The following ZC3H12A variants were observed in gnomAD, a reference collection of about 807,000 sequenced individuals.
ZC3H12A encodes zinc finger CCCH-type containing 12A.
In ZC3H12A, 9 loss-of-function variants were observed where a neutral mutation model predicts 29.9. The ratio of observed to expected loss-of-function variants is 0.30; its 90% CI spans 0.18 to 0.53. ZC3H12A has a LOEUF of 0.53. Ranked by LOEUF, ZC3H12A falls within the 20% of genes least tolerant of loss-of-function variation. ZC3H12A has a pLI of 0.96. For synonymous variants in ZC3H12A, 323 were observed against 338.1 expected, an observed-to-expected ratio of 0.96 and a Z score of 0.49; for missense variants, 617 against 799.0, an observed-to-expected ratio of 0.77 and a Z score of 2.75.
chr1:37,482,388 C>A, intron 4 of ZC3H12A, 46 bp from the exon 5 acceptor site: 1 of 1,520,224 alleles, frequency 6.6e-7, no homozygotes, highest in Non-Finnish European at 9.0e-7. Flanking sequence ...AATTAGAAGT[C>A]CCTGCATGGC....
rs1024153317 is a variant in ZC3H12A, at chr1:37,478,854, A to G, written c.444-1436A>G. ...TCAGCAAATGGGAACTTTTATTATA[A>G]GCAGGCTGGCAGATGTGGCAGAGGG... On this transcript the variant is annotated intron_variant, in intron 2 of 5. Coordinates refer to ENST00000373087, the MANE Select transcript of ZC3H12A (RefSeq NM_025079.3). The surrounding 1 kb of genome is among the most constrained non-coding windows in gnomAD (Gnocchi z 5.2). 4 of 985,254 alleles carry G rather than the reference A, an allele frequency of 4.1e-6. No homozygotes were observed. The highest frequency in any genetic ancestry group is 4.8e-6 in the Non-Finnish European group (4 of 829,910). 61.0% of individuals were successfully genotyped at this position (985,254 alleles called of 1,614,324 possible).
At position 37,474,619 on chromosome 1, in the gene ZC3H12A, C is replaced by G. The variant is rs1641539869; in HGVS notation, c.-49C>G. On this transcript the variant is annotated 5_prime_UTR_variant, in exon 1 of 6. Transcript: ENST00000373087. ...TGGAGACGCCGCCGGCCGCCGCTGG[C>G]GCATGGCGGGGTGAGGCGCGGCGGG... 6.6e-6 allele frequency: 1 copy of G among 152,066 alleles called. No individual in the cohort carries two copies. The highest frequency in any genetic ancestry group is 1.5e-5 in the Non-Finnish European group (1 of 68,012). The allele number at this position is 152,066 out of a possible 1,614,324, so 9.4% of individuals were successfully genotyped here.
rs147321337 is a variant in ZC3H12A at position 37,475,501 on chromosome 1, G to T, written c.5G>T (p.Ser2Ile). 3 of 1,603,234 alleles carry T rather than the reference G, an allele frequency of 1.9e-6. No homozygotes were observed. The highest frequency in any genetic ancestry group is 2.6e-6 in the Non-Finnish European group (3 of 1,174,050). The change falls in exon 2 of 6, where the codon AGT becomes ATT. Residue 2 changes from serine to isoleucine, a missense_variant. Ser to Ile is a moderately radical substitution (Grantham distance 142). Transcript: ENST00000373087. This position sits in a 1 kb window ranked among gnomAD's most constrained non-coding sequence, Gnocchi z 5.2. Reference protein sequence around the residue: MSGPCGEKPVLE... With the variant: MIGPCGEKPVLE... The stretch of plus-strand genomic sequence containing the variant: ...GGCCTTCCAGGAGTCTGAGCTATGA[G>T]TGGCCCCTGTGGAGAGAAGCCTGTC...
chr1:37,482,844 C>G lies in ZC3H12A; in HGVS notation c.1033C>G (p.Pro345Ala), dbSNP rs755514163. The G allele has an allele frequency of 4.3e-6, 7 of 1,613,860 alleles. No individual in the cohort carries two copies. The highest frequency in any genetic ancestry group is 5.1e-6 in the Non-Finnish European group (6 of 1,180,036). Residue 345 changes from proline to alanine, a missense_variant, in exon 6 of 6, where the codon CCC becomes GCC. Pro to Ala is a conservative substitution (Grantham distance 27). This residue lies in a region of ZC3H12A where 115 missense variants were observed against 112.5 expected (regional missense o/e 1.02). Transcript: ENST00000373087. ...GCTCCGTGCCAATGCTCTCCTCTCACCCCCCAGAGCCCCAAGCAAGGACAA... is the reference window on the plus strand; with the variant it reads ...GCTCCGTGCCAATGCTCTCCTCTCAGCCCCCAGAGCCCCAAGCAAGGACAA... ...DELRANALLS[P>A]PRAPSKDKNG...
intron 2 of ZC3H12A, chr1:37,480,054 G>T (rs375421982): frequency 7.9e-7 from 1 of 1,262,030 alleles, no homozygotes; most frequent in South Asian, 2.7e-5. Context: ...TCCTGGAGCT[G>T]TGGGAACTGG....
Position 37,476,757 on chromosome 1 carries a change from C to T in ZC3H12A, c.443+818C>T, listed in dbSNP as rs970095095. 6.6e-6 allele frequency among the ~76,000 whole-genome samples: 1 copy of T among 152,358 alleles called. No individual in the cohort carries two copies. Among genetic ancestry groups the T allele is most frequent in the Admixed American group, 6.5e-5 (1 of 15,306 alleles). On this transcript the variant is annotated intron_variant, in intron 2 of 5. Transcript: ENST00000373087. The surrounding 1 kb of genome is among the most constrained non-coding windows in gnomAD (Gnocchi z 6.0). The stretch of plus-strand genomic sequence containing the variant: ...CAGACTTCTCCCGTCAATCCAGGCT[C>T]CACCCTCTGGCCCCACTTTTTTCCC...
At position 37,483,476 on chromosome 1, in the gene ZC3H12A, C is replaced by T. The variant is rs776311643; in HGVS notation, c.1665C>T (p.Ser555=). The change falls in exon 6 of 6, where the codon AGC becomes AGT. Residue 555 remains serine (S), a synonymous_variant. Coordinates refer to ENST00000373087, the MANE Select transcript of ZC3H12A (RefSeq NM_025079.3). ...GCAGCCTGGCCAAGGAGCAGGCCAG[C>T]GTGTATACTAAGCTGTGTGGTGTGT... ...RAGSLAKEQA[S]VYTKLCGVFP... is the part of the protein sequence containing the mutation. 2.9e-5 allele frequency: 47 copies of T among 1,613,920 alleles called. No homozygotes were observed. Among genetic ancestry groups the T allele is most frequent in the African/African-American group, 6.7e-5 (5 of 74,932 alleles).
rs191479548 is a variant in ZC3H12A, at chr1:37,482,144, C to T, written c.819-290C>T. Among the ~76,000 whole-genome samples the T allele has an allele frequency of 3.4e-3, 516 of 152,316 alleles. 1 individual carries two copies. The highest frequency in any genetic ancestry group is 0.012 in the African/African-American group (492 of 41,570). On this transcript the variant is annotated intron_variant, in intron 4 of 5. Coordinates refer to ENST00000373087, the MANE Select transcript of ZC3H12A (RefSeq NM_025079.3). The stretch of plus-strand genomic sequence containing the variant: ...CTCTCTACGAACCAACATGGCATCT[C>T]TCGAGCAGAGGCCATGGGCCAGTGG...
chr1:37,482,369 C>A, intron 4 of ZC3H12A, 65 bp from the exon 5 acceptor site: 1 of 1,415,026 alleles, frequency 7.1e-7, no homozygotes. Flanking sequence ...CCATCGGCCC[C>A]TTCTCAGCAA....
intron 2 of ZC3H12A, among the ~76,000 whole-genome samples, chr1:37,477,751 G>T (rs980444773): frequency 2.0e-5 from 3 of 152,194 alleles, no homozygotes; most frequent in African/African-American, 7.2e-5. Context: ...ACTGGAATGG[G>T]GGCAGGGATG....
rs1641570268 is a variant in ZC3H12A at position 37,475,683 on chromosome 1, A to G, written c.187A>G (p.Thr63Ala). 1.2e-6 allele frequency: 2 copies of G among 1,614,018 alleles called. No homozygotes were observed. Among genetic ancestry groups the G allele is most frequent in the Non-Finnish European group, 1.7e-6 (2 of 1,180,056 alleles). Reference sequence around the variant, plus strand: ...CTTCCGGAAGCTGGGCTATTCATCCACGGAGATCCACAGCGTCCTGCAGAA... The same window carrying G: ...CTTCCGGAAGCTGGGCTATTCATCCGCGGAGATCCACAGCGTCCTGCAGAA... ...DFFRKLGYSS[T>A]EIHSVLQKLG... Residue 63 changes from threonine to alanine, a missense_variant, in exon 2 of 6, where the codon ACG becomes GCG. Around this residue, in one of 5 missense-constraint regions of ZC3H12A, gnomAD observed 255 missense variants for 402.5 expected, o/e 0.63. Transcript: ENST00000373087. This position sits in a 1 kb window ranked among gnomAD's most constrained non-coding sequence, Gnocchi z 5.2.
chr1:37,481,562 C>T, intron 3 of ZC3H12A, 39 bp from the exon 4 acceptor site: 1 of 1,605,700 alleles, frequency 6.2e-7, no homozygotes, highest in Non-Finnish European at 8.5e-7. Flanking sequence ...GCTCTAGGTC[C>T]CGCTGGGCCC....
chr1:37,477,763 C>G (rs116065675), intron 2 of ZC3H12A, among the ~76,000 whole-genome samples: 2,438 of 152,308 alleles, frequency 0.016, 26 homozygotes, highest in African/African-American at 0.028. Flanking sequence ...GCAGGGATGT[C>G]TGGTTTTCCT....
chr1:37,475,675 A>G lies in ZC3H12A; in HGVS notation c.179A>G (p.Tyr60Cys), dbSNP rs758580634. Residue 60 changes from tyrosine to cysteine, a missense_variant, in exon 2 of 6, where the codon TAT (tyrosine) becomes TGT (cysteine). Physicochemically the swap from Tyr to Cys is radical, Grantham distance 194. Around this residue, in one of 5 missense-constraint regions of ZC3H12A, gnomAD observed 255 missense variants for 402.5 expected, o/e 0.63. Transcript: ENST00000373087. The surrounding 1 kb of genome is among the most constrained non-coding windows in gnomAD (Gnocchi z 5.2). ...MKVDFFRKLG[Y>C]SSTEIHSVLQ... ...GTGGACTTCTTCCGGAAGCTGGGCT[A>G]TTCATCCACGGAGATCCACAGCGTC... 5 of 1,614,116 alleles carry G rather than the reference A, an allele frequency of 3.1e-6. No homozygotes were observed. The highest frequency in any genetic ancestry group is 4.5e-5 in the East Asian group (2 of 44,888).
chr1:37,480,580 G>A, intron 3 of ZC3H12A, 151 bp downstream of exon 3: 4 of 1,153,264 alleles, frequency 3.5e-6, no homozygotes, highest in Non-Finnish European at 4.7e-6. Context: ...TTAGCAACCT[G>A]CTCTGAATGG....
chr1:37,483,374 G>A lies in ZC3H12A; in HGVS notation c.1563G>A (p.Leu521=), dbSNP rs201266005. 5.0e-5 allele frequency: 81 copies of A among 1,613,958 alleles called. No homozygotes were observed. Among genetic ancestry groups the A allele is most frequent in the Non-Finnish European group, 6.1e-5 (72 of 1,179,996 alleles). The change falls in exon 6 of 6, where the codon CTG becomes CTA. Residue 521 remains leucine, a synonymous_variant. Coordinates refer to ENST00000373087, the MANE Select transcript of ZC3H12A (RefSeq NM_025079.3). ...AGTACTGGTCTGAACCATACCCACT[G>A]CCCCCACCCACATCAGTCCTTCAGG... ...PREYWSEPYP[L]PPPTSVLQEP...
Position 37,483,062 on chromosome 1 carries a change from C to T in ZC3H12A, c.1251C>T (p.Pro417=), listed in dbSNP as rs375050083. Residue 417 remains proline, a synonymous_variant, in exon 6 of 6, where the codon CCC becomes CCT. Coordinates refer to ENST00000373087, the MANE Select transcript of ZC3H12A (RefSeq NM_025079.3). ...PSGGSGSSFG[P]TDWLPQTLDS... ...GGGGCAGTGGCAGCAGCTTTGGGCCCACAGACTGGCTCCCACAGACGCTGG... is the reference window on the plus strand; with the variant it reads ...GGGGCAGTGGCAGCAGCTTTGGGCCTACAGACTGGCTCCCACAGACGCTGG... 23 of 1,608,754 alleles carry T rather than the reference C, an allele frequency of 1.4e-5. No individual in the cohort carries two copies. The highest frequency in any genetic ancestry group is 2.0e-5 in the Non-Finnish European group (23 of 1,178,022).
At position 37,483,164 on chromosome 1, in the gene ZC3H12A, G is replaced by C. The variant is rs563328219; in HGVS notation, c.1353G>C (p.Trp451Cys). The C allele has an allele frequency of 5.0e-5, 80 of 1,613,510 alleles. No homozygotes were observed. The East Asian group carries it at 1.0e-3, about 21-fold the overall frequency. ...GSLESQMSEL[W>C]GVRGGGPGEP... ...TGGAGAGCCAGATGTCGGAACTTTGGGGGGTTCGAGGAGGAGGCCCTGGTG... is the reference window on the plus strand; with the variant it reads ...TGGAGAGCCAGATGTCGGAACTTTGCGGGGTTCGAGGAGGAGGCCCTGGTG... Residue 451 changes from tryptophan (W) to cysteine (C), a missense_variant, in exon 6 of 6, where the codon TGG becomes TGC. Coordinates refer to ENST00000373087, the MANE Select transcript of ZC3H12A (RefSeq NM_025079.3).
Position 37,482,851 on chromosome 1 carries a change from G to A in ZC3H12A, c.1040G>A (p.Arg347Lys), listed in dbSNP as rs1176854543. 1 of 1,613,910 alleles carries A rather than the reference G, an allele frequency of 6.2e-7. No individual in the cohort carries two copies. The highest frequency in any genetic ancestry group is 8.5e-7 in the Non-Finnish European group (1 of 1,180,038). The change falls in exon 6 of 6, where the codon AGA (arginine) becomes AAA (lysine). Residue 347 changes from arginine (R) to lysine (K), a missense_variant. Transcript: ENST00000373087. Reference protein sequence around the residue: ...LRANALLSPPRAPSKDKNGRR... With the variant: ...LRANALLSPPKAPSKDKNGRR... ...GCCAATGCTCTCCTCTCACCCCCCA[G>A]AGCCCCAAGCAAGGACAAAAATGGC... is the stretch of plus-strand genomic sequence containing the variant.
Sources: gnomAD v4.1 joint callset for allele counts (sites outside exome capture counted in the v4.1 genomes callset) on GRCh38, gnomAD v4.1.1 for gene constraint, gnomAD v4.1.1 regional missense constraint, Gnocchi (gnomAD v3.1) non-coding constraint, MANE v1.5 for transcripts, NCBI Gene and HGNC (gene_info 2026-07-23, HGNC 2026-07-21) for gene names.